The following LOXL2 variants were observed in gnomAD, a reference collection of about 807,000 sequenced individuals.
LOXL2 encodes the protein lysyl oxidase homolog 2.
Under a neutral mutation model 93.0 loss-of-function variants are expected in LOXL2, and 70 were observed. The ratio of observed to expected loss-of-function variants is 0.75; its 90% confidence interval spans 0.62 to 0.92. The LOEUF (loss-of-function observed/expected upper bound fraction) is 0.92. Ranked by LOEUF, LOXL2 falls within the 40% of genes least tolerant of loss-of-function variation. LOXL2 has a pLI of 0.00. For missense variants in LOXL2, 973 were observed against 1,054.9 expected (o/e 0.92, Z 1.08); for synonymous variants, 438 against 413.2 (o/e 1.06, Z -0.73).
intron 1 of LOXL2, among the ~76,000 whole-genome samples, chr8:23,390,634 C>A (rs1044996238): frequency 3.9e-5 from 6 of 152,186 alleles, no homozygotes; most frequent in Non-Finnish European, 5.9e-5. Flanking sequence ...GCTGAAGGTA[C>A]AGTTTCAAAG....
chr8:23,300,264 C>G (rs956308999), intron 12 of LOXL2, among the ~76,000 whole-genome samples: 2 of 152,228 alleles, frequency 1.3e-5, no homozygotes, highest in Non-Finnish European at 2.9e-5. Context: ...CCCACTGTTT[C>G]ACCCCACTCA....
intron 1 of LOXL2, among the ~76,000 whole-genome samples, chr8:23,382,047 CCA>C (rs1437983071): frequency 6.6e-6 from 1 of 152,188 alleles, no homozygotes; most frequent in East Asian, 1.9e-4. Flanking sequence ...CTGGAGACAG[CCA>C]CAGTGTCATT....
intron 9 of LOXL2, among the ~76,000 whole-genome samples, chr8:23,313,851 G>A (rs1373273455): frequency 1.3e-5 from 2 of 151,694 alleles, no homozygotes; most frequent in Middle Eastern, 3.4e-3. Flanking sequence ...CCATCAGAGT[G>A]AACAGGCAAC....
At chr8:23,305,328 T>C (rs1177169834) in intron 10 of LOXL2, among the ~76,000 whole-genome samples, 1 of 152,148 alleles carries the variant, frequency 6.6e-6, no homozygotes, top group East Asian at 1.9e-4. Context: ...GATTTAAATC[T>C]TCCTCAGCTT....
intron 9 of LOXL2, among the ~76,000 whole-genome samples, chr8:23,314,368 C>T (rs1484057648): frequency 2.8e-5 from 4 of 143,130 alleles, no homozygotes; most frequent in Non-Finnish European, 6.1e-5. Flanking sequence ...GTACTATTCA[C>T]GATAGCAAAG....
chr8:23,309,323 A>C (rs1450274093), intron 10 of LOXL2, among the ~76,000 whole-genome samples: 2 of 152,220 alleles, frequency 1.3e-5, no homozygotes, highest in African/African-American at 4.8e-5. Context: ...GCAACTGCAC[A>C]GCCTGGAGTA....
intron 10 of LOXL2, among the ~76,000 whole-genome samples, chr8:23,303,650 C>A (rs1265297497): frequency 6.6e-6 from 1 of 152,136 alleles, no homozygotes; most frequent in Non-Finnish European, 1.5e-5. Flanking sequence ...GAATGATCAT[C>A]GTAATGCATG....
chr8:23,299,305 G>A (rs948101229), intron 12 of LOXL2, among the ~76,000 whole-genome samples: 1 of 152,230 alleles, frequency 6.6e-6, no homozygotes, highest in African/African-American at 2.4e-5. Flanking sequence ...AGAAGCAGAA[G>A]GGTGCAGGGA....
At chr8:23,320,957 CAT>C (rs752048946) in intron 7 of LOXL2, among the ~76,000 whole-genome samples, 2 of 152,122 alleles carry the variant, frequency 1.3e-5, no homozygotes, top group Admixed American at 6.5e-5. Flanking sequence ...GGCCACATAT[CAT>C]AGTTTCTTGG....
At chr8:23,391,158 T>G (rs1017207331) in intron 1 of LOXL2, among the ~76,000 whole-genome samples, 1 of 152,162 alleles carries the variant, frequency 6.6e-6, no homozygotes, top group African/African-American at 2.4e-5. Context: ...AGCTACAATT[T>G]AAGATAAGAT....
At chr8:23,328,836 G>C in intron 5 of LOXL2, 1 of 432,024 alleles carries the variant, frequency 2.3e-6, no homozygotes, top group East Asian at 4.4e-5. Flanking sequence ...CTTCTGTCCT[G>C]GTCCCCTGGG....
rs1232549953 is a variant in LOXL2, at chr8:23,341,055, G to C, written c.680C>G (p.Ser227Cys). 6.2e-7 allele frequency: 1 copy of C among 1,614,160 alleles called. No homozygotes were observed. The highest frequency in any genetic ancestry group is 2.2e-5 in the East Asian group (1 of 44,860). Residue 227 changes from serine (S) to cysteine (C), a missense_variant, in exon 4 of 14, where the codon TCC (serine) becomes TGC (cysteine). Ser to Cys is a moderately radical substitution (Grantham distance 112). Coordinates refer to ENST00000389131, the MANE Select transcript of LOXL2 (RefSeq NM_002318.3). ...GCCAAACATGCCGCAGACCACGCGG[G>C]AATTCTTGGCCGTCCAGTGCTTGTC... is the stretch of plus-strand genomic sequence containing the variant. ...ICDKHWTAKN[S>C]RVVCGMFGFP...
At chr8:23,403,646 G>A (rs1800179978) in intron 1 of LOXL2, among the ~76,000 whole-genome samples, 1 of 152,046 alleles carries the variant, frequency 6.6e-6, no homozygotes, top group South Asian at 2.1e-4. Flanking sequence ...GAGACTTGAC[G>A]GGCTCTGTCC....
intron 3 of LOXL2, among the ~76,000 whole-genome samples, chr8:23,354,947 ATATTTTTTTT>A (rs1239113236): frequency 3.7e-5 from 2 of 54,078 alleles, no homozygotes; most frequent in East Asian, 1.0e-3. Context: ...ATATATATAT[ATATTTTTTTT>A]TTTTTTTTTT....
intron 1 of LOXL2, among the ~76,000 whole-genome samples, chr8:23,386,980 T>C (rs1431083703): frequency 6.6e-6 from 1 of 152,116 alleles, no homozygotes; most frequent in Admixed American, 6.5e-5. Context: ...CAAACCTAGT[T>C]TGAGTGAGGT....
At chr8:23,360,586 C>T (rs771185609) in intron 2 of LOXL2, among the ~76,000 whole-genome samples, 22 of 152,128 alleles carry the variant, frequency 1.4e-4, no homozygotes, top group Admixed American at 9.2e-4. Context: ...AGTTCTCGTT[C>T]AGCCACTTAG....
In LOXL2 at chr8:23,297,732, ACAAGCTG is replaced by A; in HGVS notation, c.*304_*310del. 1.1e-5 allele frequency: 3 copies of A among 277,514 alleles called. No individual in the cohort carries two copies. The highest frequency in any genetic ancestry group is 2.0e-5 in the Non-Finnish European group (3 of 147,050). 17.2% of individuals were successfully genotyped at this position (277,514 alleles called of 1,614,324 possible). On this transcript the variant is annotated 3_prime_UTR_variant, in exon 14 of 14. Coordinates refer to ENST00000389131, the MANE Select transcript of LOXL2 (RefSeq NM_002318.3). ...TGGTGAGCTCGGTGGCTTGAATGGGACAAGCTGATGACAACCTGTCTGTGGGCCTCAT... is the reference window on the plus strand; with the variant it reads ...TGGTGAGCTCGGTGGCTTGAATGGGAATGACAACCTGTCTGTGGGCCTCAT...
At chr8:23,359,322 C>A (rs1376162134) in intron 3 of LOXL2, among the ~76,000 whole-genome samples, 1 of 152,146 alleles carries the variant, frequency 6.6e-6, no homozygotes, top group Non-Finnish European at 1.5e-5. Flanking sequence ...GAAATGATGG[C>A]CTATCACTTC....
At chr8:23,320,136 A>C in intron 7 of LOXL2, 84 bp from the exon 8 acceptor site, 1 of 1,445,196 alleles carries the variant, frequency 6.9e-7, no homozygotes, top group Non-Finnish European at 9.5e-7. Context: ...AGTGTCCTGG[A>C]GTCCTAAGCC....
Sources: gnomAD v4.1 joint callset for allele counts (sites outside exome capture counted in the v4.1 genomes callset) on GRCh38, gnomAD v4.1.1 for gene constraint, MANE v1.5 for transcripts, NCBI Gene and HGNC (gene_info 2026-07-23, HGNC 2026-07-21) for gene names.